The following SOX5 variants were observed in gnomAD, a reference collection of about 807,000 sequenced individuals.
The protein encoded by SOX5 is SRY-box transcription factor 5.
In SOX5, 9 loss-of-function variants were observed where a neutral mutation model predicts 92.0. That is an observed-to-expected ratio of 0.10 (90% confidence interval 0.06 to 0.17). The LOEUF (loss-of-function observed/expected upper bound fraction) is 0.17. Among genes scored for constraint, SOX5 ranks in the 10% least tolerant of loss-of-function variants. The pLI is 1.00. For missense variants in SOX5, 642 were observed against 944.5 expected, an observed-to-expected ratio of 0.68 and a Z score of 4.20; for synonymous variants, 344 against 336.3, an observed-to-expected ratio of 1.02 and a Z score of -0.25.
At chr12:24,039,713 T>C (rs1398334432) in intron 4 of SOX5, among the ~76,000 whole-genome samples, 1 of 152,194 alleles carries the variant, frequency 6.6e-6, no homozygotes, top group Non-Finnish European at 1.5e-5. Flanking sequence ...TATATACATA[T>C]TCATTTTCCC....
intron 4 of SOX5, among the ~76,000 whole-genome samples, chr12:24,127,532 C>T (rs556964810): frequency 1.3e-5 from 2 of 152,174 alleles, no homozygotes; most frequent in Admixed American, 1.3e-4. Context: ...TCTAAGCCAC[C>T]TTGAAGGTAG....
At chr12:23,790,423 AG>A (rs1198481250) in intron 3 of SOX5, among the ~76,000 whole-genome samples, 1 of 152,120 alleles carries the variant, frequency 6.6e-6, no homozygotes, top group African/African-American at 2.4e-5. Flanking sequence ...AATAAATAAT[AG>A]TGACTTTATG....
At chr12:24,201,198 T>C (rs1957482316) in intron 4 of SOX5, among the ~76,000 whole-genome samples, 1 of 152,208 alleles carries the variant, frequency 6.6e-6, no homozygotes, top group Non-Finnish European at 1.5e-5. Context: ...ATATGTACTG[T>C]AAGAGTTATA....
At chr12:24,172,220 T>C (rs1230825548) in intron 4 of SOX5, among the ~76,000 whole-genome samples, 1 of 151,878 alleles carries the variant, frequency 6.6e-6, no homozygotes, top group Non-Finnish European at 1.5e-5. Context: ...AGGGGAGTCA[T>C]AGAGTAACAC....
chr12:23,860,972 A>AAAAAAAAAAAAAC (rs2096750667), intron 2 of SOX5, among the ~76,000 whole-genome samples: 1 of 146,432 alleles, frequency 6.8e-6, no homozygotes, highest in Non-Finnish European at 1.5e-5. Flanking sequence ...AAAAAAAAAA[A>AAAAAAAAAAAAAC]AAAAAACCCT....
chr12:23,743,967 A>C (rs2093893968), intron 4 of SOX5, among the ~76,000 whole-genome samples: 1 of 152,354 alleles, frequency 6.6e-6, no homozygotes, highest in East Asian at 1.9e-4. Context: ...CTTAGTCATA[A>C]AGACATAAAT....
At chr12:24,251,924 C>T (rs765334005) in intron 3 of SOX5, among the ~76,000 whole-genome samples, 2 of 146,270 alleles carry the variant, frequency 1.4e-5, no homozygotes, top group African/African-American at 2.5e-5. Context: ...CAGCCCAATA[C>T]ACCTCAGCAT....
chr12:24,283,077 G>C (rs537177325), intron 2 of SOX5, among the ~76,000 whole-genome samples: 1 of 152,336 alleles, frequency 6.6e-6, no homozygotes, highest in South Asian at 2.1e-4. Flanking sequence ...CATGTGCACT[G>C]AGAACGTGCC....
intron 4 of SOX5, among the ~76,000 whole-genome samples, chr12:24,061,099 T>C (rs1050676405): frequency 4.6e-5 from 7 of 152,110 alleles, no homozygotes; most frequent in East Asian, 1.9e-4. Flanking sequence ...CCAGTGAATG[T>C]TGGCTGCTTT....
intron 3 of SOX5, among the ~76,000 whole-genome samples, chr12:23,835,680 GATAAT>G (rs1228624742): frequency 1.3e-5 from 2 of 151,640 alleles, no homozygotes; most frequent in Non-Finnish European, 3.0e-5. Flanking sequence ...AAATATTTCA[GATAAT>G]ATATTATTCA....
intron 1 of SOX5, among the ~76,000 whole-genome samples, chr12:24,385,755 T>A (rs549098989): frequency 6.6e-6 from 1 of 151,788 alleles, no homozygotes; most frequent in African/African-American, 2.4e-5. Flanking sequence ...AGGGGCAACG[T>A]AGTGAAATCT....
intron 4 of SOX5, among the ~76,000 whole-genome samples, chr12:24,148,503 A>AAAG (rs1951309876): frequency 1.0e-5 from 1 of 95,500 alleles, no homozygotes; most frequent in Non-Finnish European, 1.9e-5. Flanking sequence ...AAAAAAAAAA[A>AAAG]AGAGAGAGAG....
intron 4 of SOX5, among the ~76,000 whole-genome samples, chr12:24,210,242 C>T (rs1363317545): frequency 6.6e-6 from 1 of 151,990 alleles, no homozygotes; most frequent in Non-Finnish European, 1.5e-5. Context: ...AATATGTGTA[C>T]AATGGCTTGA....
At chr12:24,155,095 A>G (rs1003327155) in intron 4 of SOX5, among the ~76,000 whole-genome samples, 2 of 152,134 alleles carry the variant, frequency 1.3e-5, no homozygotes, top group African/African-American at 4.8e-5. Flanking sequence ...TCGTACGCTA[A>G]GCACAGCTCA....
At chr12:23,676,651 G>T (rs1272401169) in intron 6 of SOX5, among the ~76,000 whole-genome samples, 1 of 152,206 alleles carries the variant, frequency 6.6e-6, no homozygotes, top group Non-Finnish European at 1.5e-5. Context: ...ACGACACAGT[G>T]ACATTTGAAG....
intron 1 of SOX5, among the ~76,000 whole-genome samples, chr12:24,431,992 G>A (rs1938431636): frequency 6.6e-6 from 1 of 152,044 alleles, no homozygotes; most frequent in East Asian, 1.9e-4. Context: ...AAACATCAGA[G>A]GAAAATTATT....
chr12:23,820,053 T>C (rs925659356), intron 3 of SOX5, among the ~76,000 whole-genome samples: 2 of 152,220 alleles, frequency 1.3e-5, no homozygotes, highest in African/African-American at 2.4e-5. Context: ...ACCAACAGTA[T>C]AAAAGCGTTC....
intron 1 of SOX5, among the ~76,000 whole-genome samples, chr12:24,544,133 CAA>C (rs1425727684): frequency 1.3e-5 from 2 of 151,910 alleles, no homozygotes; most frequent in Non-Finnish European, 2.9e-5. Context: ...AATATAAAAA[CAA>C]GAGAACATAA....
intron 2 of SOX5, among the ~76,000 whole-genome samples, chr12:24,287,914 C>T (rs1466339459): frequency 2.6e-5 from 4 of 152,076 alleles, no homozygotes; most frequent in Non-Finnish European, 4.4e-5. Flanking sequence ...TACTGCCCTC[C>T]GTACTCTATA....
Sources: gnomAD v4.1 joint callset for allele counts (sites outside exome capture counted in the v4.1 genomes callset) on GRCh38, gnomAD v4.1.1 for gene constraint, MANE v1.5 for transcripts, NCBI Gene and HGNC (gene_info 2026-07-23, HGNC 2026-07-21) for gene names.